The following ATP2A1 variants were observed in gnomAD, a reference collection of about 807,000 sequenced individuals.
ATP2A1 encodes the protein ATPase sarcoplasmic/endoplasmic reticulum Ca2+ transporting 1, also known as sarcoplasmic/endoplasmic reticulum calcium ATPase 1.
Under a neutral mutation model 109.5 loss-of-function variants are expected in ATP2A1, and 83 were observed. The observed-to-expected ratio is 0.76, with a 90% CI of 0.63 to 0.91. ATP2A1 has a LOEUF of 0.91. ATP2A1 is among the 40% of genes least tolerant of loss of function. ATP2A1 has a pLI of 0.00. For missense variants in ATP2A1, 1,101 were observed against 1,341.0 expected, an observed-to-expected ratio of 0.82 and a Z score of 2.80; for synonymous variants, 505 against 537.6, an observed-to-expected ratio of 0.94 and a Z score of 0.84.
intron 5 of ATP2A1, among the ~76,000 whole-genome samples, chr16:28,884,174 C>A (rs1963559213): frequency 6.6e-6 from 1 of 152,152 alleles, no homozygotes; most frequent in Non-Finnish European, 1.5e-5. Context: ...GTCTCCCAAT[C>A]TCAATTATAG....
chr16:28,898,016 T>G lies in ATP2A1; in HGVS notation c.1436T>G (p.Met479Arg). 1 of 1,614,172 alleles carries G rather than the reference T, an allele frequency of 6.2e-7. No homozygotes were observed. The highest frequency in any genetic ancestry group is 8.5e-7 in the Non-Finnish European group (1 of 1,180,018). The part of the protein sequence containing the change: ...NACNSVIRQL[M>R]KKEFTLEFSR... ...CCTCTCCAGGTGATCCGCCAGCTAA[T>G]GAAGAAGGAATTCACCCTGGAGTTC... Residue 479 changes from methionine to arginine, a missense_variant, in exon 13 of 23, where the codon ATG becomes AGG. Met to Arg is a moderately conservative substitution (Grantham distance 91, BLOSUM62 -1). Transcript: ENST00000395503. The surrounding 1 kb of genome is among the most constrained non-coding windows in gnomAD (Gnocchi z 4.0).
chr16:28,892,303 G>T, intron 9 of ATP2A1: 2 of 288,438 alleles, frequency 6.9e-6, no homozygotes, highest in Non-Finnish European at 1.4e-5. Flanking sequence ...TCAGTTCTTG[G>T]GCTCCTTGCA....
intron 12 of ATP2A1, among the ~76,000 whole-genome samples, chr16:28,895,653 C>T (rs866147891): frequency 1.3e-5 from 2 of 149,158 alleles, no homozygotes; most frequent in African/African-American, 2.5e-5. Context: ...TAGTGAGACC[C>T]GCATCTCTAC....
At chr16:28,889,049 G>A in intron 9 of ATP2A1, 96 bp downstream of exon 9, 1 of 1,536,608 alleles carries the variant, frequency 6.5e-7, no homozygotes, top group Non-Finnish European at 8.9e-7. Flanking sequence ...ATCACTGCTG[G>A]CTTCTCATCT....
In ATP2A1 at chr16:28,903,129, C is replaced by CT. The variant is rs1290909797; in HGVS notation, c.2845dup (p.Tyr949LeufsTer3). On this transcript the variant is annotated frameshift_variant, in exon 20 of 23. Coordinates refer to ENST00000395503, the MANE Select transcript of ATP2A1 (RefSeq NM_004320.6). LOFTEE classifies it high-confidence loss of function. The surrounding 1 kb of genome is among the most constrained non-coding windows in gnomAD (Gnocchi z 5.6). ...CCATGTCCCTGCACTTCCTCATCCTCTATGTTGACCCCCTGCCGGTGAGGT... is the reference window on the plus strand; with the variant it reads ...CCATGTCCCTGCACTTCCTCATCCTCTTATGTTGACCCCCTGCCGGTGAGGT... The CT allele has an allele frequency of 6.2e-7, 1 of 1,613,726 alleles. No individual in the cohort carries two copies. The highest frequency in any genetic ancestry group is 8.5e-7 in the Non-Finnish European group (1 of 1,179,958).
Position 28,887,212 on chromosome 16 carries a change from C to A in ATP2A1, c.568C>A (p.His190Asn), listed in dbSNP as rs575038537. 8 of 1,613,892 alleles carry A rather than the reference C, an allele frequency of 5.0e-6. No individual in the cohort carries two copies. The African/African-American group carries it at 9.3e-5, about 19-fold the overall frequency. ...AGGCGAGTCTGTATCTGTCATCAAA[C>A]ACACGGAGCCCGTTCCTGACCCCCG... ...LTGESVSVIK[H>N]TEPVPDPRAV... Residue 190 changes from histidine (H) to asparagine (N), a missense_variant, in exon 7 of 23, where the codon CAC becomes AAC. Transcript: ENST00000395503.
At chr16:28,887,833 C>T in intron 8 of ATP2A1, 111 bp downstream of exon 8, 2 of 1,384,078 alleles carry the variant, frequency 1.4e-6, no homozygotes. Context: ...TGGAGTCTTG[C>T]TCTGTCACCC....
Position 28,898,002 on chromosome 16 carries a change from G to C in ATP2A1, c.1422G>C (p.Val474=), listed in dbSNP as rs1220683666. The C allele has an allele frequency of 4.3e-6, 7 of 1,613,998 alleles. No individual in the cohort carries two copies. The highest frequency in any genetic ancestry group is 1.3e-5 in the African/African-American group (1 of 74,900). ...KVERANACNS[V]IRQLMKKEFT... Reference sequence around the variant, plus strand: ...TCCCCTCCCTGTCTCCTCTCCAGGTGATCCGCCAGCTAATGAAGAAGGAAT... The same window carrying C: ...TCCCCTCCCTGTCTCCTCTCCAGGTCATCCGCCAGCTAATGAAGAAGGAAT... Residue 474 remains valine (V), a splice_region_variant and synonymous_variant, in exon 13 of 23, where the codon GTG becomes GTC. Coordinates refer to ENST00000395503, the MANE Select transcript of ATP2A1 (RefSeq NM_004320.6). This position sits in a 1 kb window ranked among gnomAD's most constrained non-coding sequence, Gnocchi z 4.0.
At position 28,888,043 on chromosome 16, in the gene ATP2A1, T is replaced by C. The variant is rs1035699134; in HGVS notation, c.928+321T>C. On this transcript the variant is annotated intron_variant, in intron 8 of 22. Transcript: ENST00000395503. Reference sequence around the variant, plus strand: ...GTCTCGATCTCCTGACCTCCTGATCTGCCCGCCTTGGCCTCCCAAAGTGCT... The same window carrying C: ...GTCTCGATCTCCTGACCTCCTGATCCGCCCGCCTTGGCCTCCCAAAGTGCT... Among the ~76,000 whole-genome samples the C allele has an allele frequency of 5.9e-5, 9 of 152,266 alleles. No homozygotes were observed. The South Asian group carries it at 8.3e-4, about 14-fold the overall frequency.
chr16:28,897,974 G>T (rs377563914), intron 12 of ATP2A1, 26 bp from the exon 13 acceptor site: 407 of 1,613,714 alleles, frequency 2.5e-4, no homozygotes, highest in Non-Finnish European at 3.4e-4. Context: ...AAGAGGACTG[G>T]TCTCCCCTCC....
intron 5 of ATP2A1, among the ~76,000 whole-genome samples, chr16:28,884,029 T>C (rs1963556391): frequency 6.6e-6 from 1 of 152,010 alleles, no homozygotes; most frequent in African/African-American, 2.4e-5. Flanking sequence ...TTTTCTCAAT[T>C]TCCATATTTT....
Position 28,900,869 on chromosome 16 carries a change from TC to T in ATP2A1, c.2055del (p.Lys686ArgfsTer15). The T allele has an allele frequency of 6.2e-7, 1 of 1,614,068 alleles. No homozygotes were observed. Among genetic ancestry groups the T allele is most frequent in the Non-Finnish European group, 8.5e-7 (1 of 1,180,020 alleles). On this transcript the variant is annotated frameshift_variant, in exon 15 of 23. Transcript: ENST00000395503. LOFTEE classifies it high-confidence loss of function. ...CGCCCGTGTGGAGCCCTCGCACAAG[TC>T]CAAGATTGTGGAGTACCTGCAGTCC... ...CFARVEPSHK[S>X]KIVEYLQSYD...
Position 28,903,787 on chromosome 16 carries a change from A to G in ATP2A1, c.*37+46A>G. On this transcript the variant is annotated intron_variant, in intron 22 of 22. Transcript: ENST00000395503. The surrounding 1 kb of genome is among the most constrained non-coding windows in gnomAD (Gnocchi z 5.6). ...TCAGCCCAGCTGCTGTGCCCCTGCC[A>G]CCCGCGCCCCCTCAGCCCCTTGCGC... is the stretch of plus-strand genomic sequence containing the variant. The G allele has an allele frequency of 6.4e-7, 1 of 1,556,362 alleles. No individual in the cohort carries two copies. Among genetic ancestry groups the G allele is most frequent in the Admixed American group, 1.7e-5 (1 of 59,884 alleles).
chr16:28,901,772 CAG>C (rs1431392162), intron 15 of ATP2A1, 89 bp from the exon 16 acceptor site: 5 of 1,165,924 alleles, frequency 4.3e-6, no homozygotes, highest in Non-Finnish European at 6.2e-6. Flanking sequence ...GCCTGGGCAA[CAG>C]AGTGAGACCT....
rs762764836 is a variant in ATP2A1, at chr16:28,904,198, G to A, written c.*56G>A. Reference sequence around the variant, plus strand: ...CTTCCAGATCCAGAAGATGAAAGAAGGAAGTGAGCATCCTTTTGCTCTGTC... The same window carrying A: ...CTTCCAGATCCAGAAGATGAAAGAAAGAAGTGAGCATCCTTTTGCTCTGTC... On this transcript the variant is annotated 3_prime_UTR_variant, in exon 23 of 23. Coordinates refer to ENST00000395503, the MANE Select transcript of ATP2A1 (RefSeq NM_004320.6). 9.9e-6 allele frequency: 16 copies of A among 1,613,138 alleles called. No individual in the cohort carries two copies. The East Asian group carries it at 1.6e-4, about 16-fold the overall frequency.
At position 28,903,305 on chromosome 16, in the gene ATP2A1, G is replaced by A. The variant is rs759719980; in HGVS notation, c.2863-18G>A. 42 of 1,606,268 alleles carry A rather than the reference G, an allele frequency of 2.6e-5. No individual in the cohort carries two copies. The highest frequency in any genetic ancestry group is 9.4e-5 in the African/African-American group (7 of 74,636). ...CCTCCCCACCCCCTCCTGAGAGGGC[G>A]CTTGTCCCCTGCCCCAGATGATCTT... On this transcript the variant is annotated intron_variant, in intron 20 of 22. Transcript: ENST00000395503. The surrounding 1 kb of genome is among the most constrained non-coding windows in gnomAD (Gnocchi z 5.6).
chr16:28,879,425 G>A lies in ATP2A1; in HGVS notation c.137-76G>A. ...CCTAGAGCCTCCCCACTGCAGGCCG[G>A]AGTCCAGGGCGCTCCATCCCAGACC... On this transcript the variant is annotated intron_variant, in intron 2 of 22. Coordinates refer to ENST00000395503, the MANE Select transcript of ATP2A1 (RefSeq NM_004320.6). 3 of 1,380,398 alleles carry A rather than the reference G, an allele frequency of 2.2e-6. No individual in the cohort carries two copies. In the South Asian group the frequency reaches 3.5e-5, roughly 16 times the overall value. The allele number at this position is 1,380,398 out of a possible 1,614,324, so 85.5% of individuals were successfully genotyped here.
intron 8 of ATP2A1, among the ~76,000 whole-genome samples, chr16:28,888,351 G>C (rs1446796138): frequency 1.3e-5 from 2 of 151,806 alleles, no homozygotes; most frequent in Admixed American, 6.6e-5. Context: ...CCTTTTCCAA[G>C]TAAGGTAACA....
chr16:28,901,042 CAAGG>C, intron 15 of ATP2A1, 126 bp downstream of exon 15: 2 of 1,274,544 alleles, frequency 1.6e-6, no homozygotes, highest in Non-Finnish European at 2.2e-6. Flanking sequence ...ATTCAGACCC[CAAGG>C]AAGAGTCTGA....
Sources: gnomAD v4.1 joint callset for allele counts (sites outside exome capture counted in the v4.1 genomes callset) on GRCh38, gnomAD v4.1.1 for gene constraint, Gnocchi (gnomAD v3.1) non-coding constraint, MANE v1.5 for transcripts, NCBI Gene and HGNC (gene_info 2026-07-23, HGNC 2026-07-21) for gene names.